Variants in GTPBP1 observed in about 807,000 individuals in gnomAD.
GTPBP1 encodes the protein GTP binding protein 1.
In GTPBP1, 23 loss-of-function variants were observed where a neutral mutation model predicts 62.0. The ratio of observed to expected loss-of-function variants is 0.37; its 90% confidence interval spans 0.27 to 0.53. The LOEUF is 0.53. Ranked by LOEUF, GTPBP1 falls within the 20% of genes least tolerant of loss-of-function variation. The pLI, the probability that GTPBP1 is intolerant of heterozygous loss-of-function variation, is 0.89. For missense variants in GTPBP1, 640 were observed against 917.3 expected (o/e 0.70, Z 3.90); for synonymous variants, 344 against 364.4 (o/e 0.94, Z 0.64).
At chr22:38,721,368 G>A (rs569786349) in intron 4 of GTPBP1, among the ~76,000 whole-genome samples, 458 of 152,194 alleles carry the variant, frequency 3.0e-3, no homozygotes, top group Non-Finnish European at 4.7e-3. Context: ...GTGAGCCACC[G>A]TGCCCAGCCT....
downstream of GTPBP1, chr22:38,742,479 T>C: frequency 6.2e-7 from 1 of 1,613,434 alleles, no homozygotes; most frequent in Non-Finnish European, 8.5e-7. Flanking sequence ...CTTCTGCCAG[T>C]TGGAGGAAAA....
Position 38,728,165 on chromosome 22 carries a change from T to C in GTPBP1, c.1716+4T>C. Reference sequence around the variant, plus strand: ...GGCTGTCGGCACCATCACCAAGGTATGGCCAGGACAGACCTTGCCTGCCTC... The same window carrying C: ...GGCTGTCGGCACCATCACCAAGGTACGGCCAGGACAGACCTTGCCTGCCTC... On this transcript the variant is annotated splice_donor_region_variant and intron_variant, in intron 10 of 11. Coordinates refer to ENST00000216044, the MANE Select transcript of GTPBP1 (RefSeq NM_004286.5). 1 of 1,609,446 alleles carries C rather than the reference T, an allele frequency of 6.2e-7. No individual in the cohort carries two copies. The highest frequency in any genetic ancestry group is 1.1e-5 in the South Asian group (1 of 90,894).
At chr22:38,742,682 C>A (rs1569298927), downstream of GTPBP1, 1 of 1,270,648 alleles carries the variant, frequency 7.9e-7, no homozygotes, top group East Asian at 2.6e-5. Context: ...AGCATAAGGC[C>A]ATGCAGGGCC....
intron 1 of GTPBP1, among the ~76,000 whole-genome samples, chr22:38,707,025 T>C (rs2092609255): frequency 6.6e-6 from 1 of 152,294 alleles, no homozygotes; most frequent in Non-Finnish European, 1.5e-5. Flanking sequence ...ATCGAAAGGC[T>C]CTGTGACGTT....
chr22:38,741,095 A>G, downstream of GTPBP1: 3 of 1,566,540 alleles, frequency 1.9e-6, no homozygotes, highest in Non-Finnish European at 2.6e-6. Context: ...TCATCTCAGA[A>G]ATTGGTGTTC....
At position 38,727,153 on chromosome 22, in the gene GTPBP1, C is replaced by T; in HGVS notation, c.1402-60C>T. 1 of 1,464,318 alleles carries T rather than the reference C, an allele frequency of 6.8e-7. No individual in the cohort carries two copies. The highest frequency in any genetic ancestry group is 9.1e-7 in the Non-Finnish European group (1 of 1,095,578). The allele number at this position is 1,464,318 out of a possible 1,614,324, so 90.7% of individuals were successfully genotyped here. A position where few individuals can be genotyped will look rare whatever the true frequency, so the allele number is the denominator to read the frequency against. ...TAGAAAGACTCTTGGTCCCTGGGAC[C>T]AGGGGTGAAACCAGAAGGCATAATT... On this transcript the variant is annotated intron_variant, in intron 8 of 11. Coordinates refer to ENST00000216044, the MANE Select transcript of GTPBP1 (RefSeq NM_004286.5). The surrounding 1 kb of genome is among the most constrained non-coding windows in gnomAD (Gnocchi z 6.5).
chr22:38,725,721 G>A (rs1055180767), intron 6 of GTPBP1: 5 of 417,400 alleles, frequency 1.2e-5, no homozygotes, highest in Non-Finnish European at 1.7e-5. Context: ...GGAAGAAGCA[G>A]TCATGAGGTT....
Position 38,716,515 on chromosome 22 carries a change from G to C in GTPBP1, c.486-137G>C. On this transcript the variant is annotated intron_variant, in intron 3 of 11. Coordinates refer to ENST00000216044, the MANE Select transcript of GTPBP1 (RefSeq NM_004286.5). This position sits in a 1 kb window ranked among gnomAD's most constrained non-coding sequence, Gnocchi z 5.2. The stretch of plus-strand genomic sequence containing the variant: ...GGAACCTTCCCACTGTGCTCCTCCG[G>C]CTCAAGGAGGAGCTGTGAGCCGGAG... 1 of 660,500 alleles carries C rather than the reference G, an allele frequency of 1.5e-6. No individual in the cohort carries two copies. The highest frequency in any genetic ancestry group is 1.8e-5 in the South Asian group (1 of 54,438). 40.9% of individuals were successfully genotyped at this position (660,500 alleles called of 1,614,324 possible). A position where few individuals can be genotyped will look rare whatever the true frequency, so the allele number is the denominator to read the frequency against.
At chr22:38,738,280 G>A, downstream of GTPBP1, 1 of 1,609,894 alleles carries the variant, frequency 6.2e-7, no homozygotes, top group Non-Finnish European at 8.5e-7. This position sits in a 1 kb window ranked among gnomAD's most constrained non-coding sequence, Gnocchi z 6.6. Flanking sequence ...AAAGAGAGCG[G>A]AGGGAAGTGG....
chr22:38,742,353 C>T (rs766230597), downstream of GTPBP1: 8 of 1,611,994 alleles, frequency 5.0e-6, no homozygotes, highest in East Asian at 2.2e-5. Context: ...GGCAGCTTCA[C>T]GGCGGCTCAC....
intron 1 of GTPBP1, among the ~76,000 whole-genome samples, chr22:38,708,616 G>A (rs866099111): frequency 6.6e-6 from 1 of 152,180 alleles, no homozygotes; most frequent in South Asian, 2.1e-4. Flanking sequence ...CTTTACCATG[G>A]GTTATGGCTC....
chr22:38,739,967 A>G, downstream of GTPBP1: 1 of 1,602,736 alleles, frequency 6.2e-7, no homozygotes, highest in Non-Finnish European at 8.5e-7. The surrounding 1 kb of genome is among the most constrained non-coding windows in gnomAD (Gnocchi z 6.7). Context: ...AAGGGGTGTC[A>G]CCCTGGGGGG....
downstream of GTPBP1, chr22:38,738,304 C>G (rs1201679401): frequency 1.3e-6 from 2 of 1,556,154 alleles, no homozygotes; most frequent in East Asian, 4.5e-5. The surrounding 1 kb of genome is among the most constrained non-coding windows in gnomAD (Gnocchi z 6.6). Context: ...GGGGCTGGAG[C>G]AGGGAGAACA....
downstream of GTPBP1, chr22:38,742,308 C>G: frequency 2.5e-6 from 4 of 1,598,564 alleles, no homozygotes; most frequent in Non-Finnish European, 3.4e-6. Flanking sequence ...TACCTGGATG[C>G]GAGCAGCAGT....
chr22:38,735,315 G>T, downstream of GTPBP1: 1 of 444,980 alleles, frequency 2.2e-6, no homozygotes, highest in Non-Finnish European at 4.5e-6. Flanking sequence ...GGCCTGGTTA[G>T]ATGTGGGGGC....
At chr22:38,739,300 G>T (rs376915922), downstream of GTPBP1, 1 of 1,597,136 alleles carries the variant, frequency 6.3e-7, no homozygotes, top group East Asian at 2.2e-5. The surrounding 1 kb of genome is among the most constrained non-coding windows in gnomAD (Gnocchi z 6.7). Flanking sequence ...CGGCCATTGC[G>T]GGGTCCAGGA....
At chr22:38,713,942 G>A (rs1385783780) in intron 2 of GTPBP1, among the ~76,000 whole-genome samples, 1 of 152,158 alleles carries the variant, frequency 6.6e-6, no homozygotes, top group Non-Finnish European at 1.5e-5. Context: ...GACAGCCAAA[G>A]CCATAGAACA....
At chr22:38,712,905 A>G (rs551450535) in intron 2 of GTPBP1, among the ~76,000 whole-genome samples, 1 of 152,198 alleles carries the variant, frequency 6.6e-6, no homozygotes, top group African/African-American at 2.4e-5. Flanking sequence ...CTCTTTGTTC[A>G]TTTGTTTTAC....
chr22:38,740,525 G>C (rs149382856), downstream of GTPBP1: 1 of 1,343,128 alleles, frequency 7.4e-7, no homozygotes, highest in East Asian at 2.7e-5. This position sits in a 1 kb window ranked among gnomAD's most constrained non-coding sequence, Gnocchi z 4.8. Context: ...GTGGGCTCCC[G>C]TCAGGAGAGC....
Sources: allele counts gnomAD v4.1 joint callset (sites outside exome capture counted in the v4.1 genomes callset), GRCh38; gene constraint gnomAD v4.1.1; non-coding constraint Gnocchi (gnomAD v3.1); transcripts MANE v1.5; gene names NCBI Gene and HGNC (gene_info 2026-07-23, HGNC 2026-07-21).